Variants in CEP83 observed in about 807,000 individuals in gnomAD.
CEP83 encodes the protein centrosomal protein of 83 kDa.
Under a neutral mutation model 101.9 loss-of-function variants are expected in CEP83, and 70 were observed. That is an observed-to-expected ratio of 0.69 (90% CI 0.57 to 0.84). The LOEUF is 0.84. Ranked by LOEUF, CEP83 falls within the 40% of genes least tolerant of loss-of-function variation. The pLI is 0.00. For synonymous variants in CEP83, 264 were observed against 267.9 expected (o/e 0.99, Z 0.14); for missense variants, 715 against 787.2 (o/e 0.91, Z 1.10).
the CEP83 span, among the ~76,000 whole-genome samples, chr12:94,296,097 A>G: frequency 6.6e-6 from 1 of 151,810 alleles, no homozygotes; most frequent in Non-Finnish European, 1.5e-5. Context: ...CTCTTTTCTC[A>G]CCTGTACTTT....
rs370337977 is a variant in CEP83, at chr12:94,395,170, C to T, written c.549+5680G>A. ...TATGCTACTATAAAGACACATCACA[C>T]ACTGGGGCCTGTCAGGGGGTGGGGG... On this transcript the variant is annotated intron_variant, in intron 6 of 16. Transcript: ENST00000397809. 3.0e-4 allele frequency among the ~76,000 whole-genome samples: 46 copies of T among 151,646 alleles called. No homozygotes were observed. In the East Asian group the frequency reaches 7.4e-3, roughly 24 times the overall value.
downstream of CEP83, chr12:94,305,032 C>T: frequency 1.7e-6 from 1 of 602,502 alleles, no homozygotes; most frequent in East Asian, 2.8e-5. Context: ...CTTAGCAAAA[C>T]AACTTGCAAA....
At position 94,378,880 on chromosome 12, in the gene CEP83, T is replaced by C. The variant is rs777216890; in HGVS notation, c.712A>G (p.Lys238Glu). Residue 238 changes from lysine (K) to glutamate (E), a missense_variant, in exon 7 of 17, where the codon AAG (lysine) becomes GAG (glutamate). Coordinates refer to ENST00000397809, the MANE Select transcript of CEP83 (RefSeq NM_016122.3). The part of the protein sequence containing the change: ...EAEVAELKAE[K>E]ENSEAQVENA... ...TCCACCTGAGCCTCAGAATTCTCCT[T>C]TTCAGCCTTTAATTCCGCTACTTCA... 6.2e-7 allele frequency: 1 copy of C among 1,614,092 alleles called. No individual in the cohort carries two copies. Among genetic ancestry groups the C allele is most frequent in the Non-Finnish European group, 8.5e-7 (1 of 1,179,978 alleles).
chr12:94,271,772 GC>G, the CEP83 span, among the ~76,000 whole-genome samples: 2 of 152,308 alleles, frequency 1.3e-5, no homozygotes, highest in Non-Finnish European at 2.9e-5. Flanking sequence ...TCTGAGGTGT[GC>G]TTTTCTCTTG....
intron 2 of CEP83, among the ~76,000 whole-genome samples, chr12:94,419,537 CCAA>C (rs1292253154): frequency 2.0e-5 from 3 of 151,826 alleles, no homozygotes; most frequent in Non-Finnish European, 4.4e-5. Flanking sequence ...AAAAGACAGG[CCAA>C]CAACAGTGGA....
intron 1 of CEP83, among the ~76,000 whole-genome samples, chr12:94,454,595 A>G (rs2067508920): frequency 6.6e-6 from 1 of 152,222 alleles, no homozygotes; most frequent in South Asian, 2.1e-4. Flanking sequence ...TAGGCACCTG[A>G]GCCAGCAGCA....
chr12:94,417,889 C>T (rs1307194404), intron 2 of CEP83, among the ~76,000 whole-genome samples: 3 of 152,024 alleles, frequency 2.0e-5, no homozygotes, highest in Admixed American at 6.6e-5. Context: ...AGATAACAAG[C>T]CAACACTATG....
the CEP83 span, chr12:94,294,517 A>C: frequency 7.6e-7 from 1 of 1,314,968 alleles, no homozygotes; most frequent in East Asian, 2.3e-5. Context: ...AAAGTCTTTA[A>C]GAAGATAGCA....
chr12:94,356,317 G>A (rs998993315), intron 11 of CEP83, among the ~76,000 whole-genome samples: 1 of 152,172 alleles, frequency 6.6e-6, no homozygotes, highest in African/African-American at 2.4e-5. Flanking sequence ...AACAGAAGAG[G>A]TTACAGAGCA....
chr12:94,392,149 A>G (rs1369063767), intron 6 of CEP83, among the ~76,000 whole-genome samples: 1 of 152,210 alleles, frequency 6.6e-6, no homozygotes, highest in Non-Finnish European at 1.5e-5. Flanking sequence ...CCTAATAGAC[A>G]TCTACAGAAC....
chr12:94,412,241 C>T, intron 3 of CEP83, 77 bp downstream of exon 3: 1 of 1,189,790 alleles, frequency 8.4e-7, no homozygotes, highest in Admixed American at 2.5e-5. Context: ...ATACTATATT[C>T]TATAGCAAAC....
intron 6 of CEP83, among the ~76,000 whole-genome samples, chr12:94,390,217 G>T (rs2062433625): frequency 6.6e-6 from 1 of 152,226 alleles, no homozygotes; most frequent in Non-Finnish European, 1.5e-5. Context: ...TCTCAGTAGG[G>T]GCCAACAGAC....
downstream of CEP83, chr12:94,305,745 C>G (rs754373428): frequency 2.0e-5 from 3 of 152,902 alleles, no homozygotes; most frequent in Non-Finnish European, 2.9e-5. Context: ...AGGGCAACCT[C>G]GAGGATTTGC....
chr12:94,352,297 G>A (rs1214694182), intron 11 of CEP83, among the ~76,000 whole-genome samples: 1 of 151,974 alleles, frequency 6.6e-6, no homozygotes, highest in Non-Finnish European at 1.5e-5. Context: ...GTGGGTGCCT[G>A]CAATCCCAGC....
At chr12:94,449,288 A>G (rs2067047655) in intron 1 of CEP83, among the ~76,000 whole-genome samples, 2 of 152,212 alleles carry the variant, frequency 1.3e-5, no homozygotes, top group African/African-American at 4.8e-5. Flanking sequence ...AATTTTAAAT[A>G]TTCCCACAAA....
chr12:94,321,354 G>C (rs2058736558), intron 14 of CEP83, among the ~76,000 whole-genome samples: 1 of 152,142 alleles, frequency 6.6e-6, no homozygotes, highest in African/African-American at 2.4e-5. Context: ...TTCATATTCT[G>C]AATTCTATTT....
At chr12:94,298,257 G>A in the CEP83 span, among the ~76,000 whole-genome samples, 1 of 152,214 alleles carries the variant, frequency 6.6e-6, no homozygotes, top group African/African-American at 2.4e-5. Context: ...TGGGAACAGA[G>A]CAGCATCACT....
intron 14 of CEP83, among the ~76,000 whole-genome samples, chr12:94,325,576 G>T (rs1179041359): frequency 6.6e-6 from 1 of 152,196 alleles, no homozygotes; most frequent in Admixed American, 6.5e-5. Context: ...ATGGTGCAGG[G>T]TCTTTGTTTA....
chr12:94,382,555 T>C (rs935434016), intron 6 of CEP83, among the ~76,000 whole-genome samples: 1 of 151,932 alleles, frequency 6.6e-6, no homozygotes, highest in African/African-American at 2.4e-5. Flanking sequence ...AATGTATTTT[T>C]TGAAATGTAA....
Sources: gnomAD v4.1 joint callset for allele counts (sites outside exome capture counted in the v4.1 genomes callset) on GRCh38, gnomAD v4.1.1 for gene constraint, MANE v1.5 for transcripts, NCBI Gene and HGNC (gene_info 2026-07-23, HGNC 2026-07-21) for gene names.